Variants in MAGI2 observed in about 807,000 individuals in gnomAD.
MAGI2 encodes membrane-associated guanylate kinase, WW and PDZ domain-containing protein 2.
In MAGI2, 35 loss-of-function variants were observed where a neutral mutation model predicts 133.3. The ratio of observed to expected loss-of-function variants is 0.26; its 90% CI spans 0.20 to 0.35. MAGI2 has a LOEUF of 0.35. Among genes scored for constraint, MAGI2 ranks in the 10% least tolerant of loss-of-function variants. The pLI is 1.00. For synonymous variants in MAGI2, 729 were observed against 710.6 expected (o/e 1.03, Z -0.41); for missense variants, 1,636 against 1,863.4 (o/e 0.88, Z 2.25).
chr7:78,422,559 G>A (rs1346530914), intron 6 of MAGI2, among the ~76,000 whole-genome samples: 1 of 149,092 alleles, frequency 6.7e-6, no homozygotes, highest in Non-Finnish European at 1.5e-5. Flanking sequence ...ATTTCTAGAA[G>A]GTGAATGTAA....
intron 2 of MAGI2, among the ~76,000 whole-genome samples, chr7:78,913,466 T>G (rs1367835481): frequency 6.6e-6 from 1 of 152,150 alleles, no homozygotes; most frequent in Non-Finnish European, 1.5e-5. Flanking sequence ...CAGAAACCAC[T>G]ATGCTTCCCA....
At chr7:79,271,057 G>C (rs541546757) in intron 1 of MAGI2, among the ~76,000 whole-genome samples, 2 of 151,684 alleles carry the variant, frequency 1.3e-5, no homozygotes, top group South Asian at 2.1e-4. Flanking sequence ...GGCTCTCTTT[G>C]ATTCCAGTCT....
At chr7:78,353,176 T>C (rs1400890579) in intron 7 of MAGI2, among the ~76,000 whole-genome samples, 3 of 152,258 alleles carry the variant, frequency 2.0e-5, no homozygotes, top group Non-Finnish European at 4.4e-5. Flanking sequence ...GTTCATAGAA[T>C]AGGCTTTAGC....
chr7:78,227,854 G>GTGTGTGTGTA (rs1789557754), intron 10 of MAGI2, among the ~76,000 whole-genome samples: 1 of 108,618 alleles, frequency 9.2e-6, no homozygotes, highest in Non-Finnish European at 1.8e-5. Flanking sequence ...ACTCAGTTGT[G>GTGTGTGTGTA]TGTGTGTGTG....
At chr7:79,270,349 G>A (rs1030707908) in intron 1 of MAGI2, among the ~76,000 whole-genome samples, 15 of 150,610 alleles carry the variant, frequency 1.0e-4, no homozygotes, top group African/African-American at 3.4e-4. Flanking sequence ...TTTTGTCTGC[G>A]TAGTGGGCGG....
chr7:79,013,548 C>T (rs1002918697), intron 1 of MAGI2, among the ~76,000 whole-genome samples: 1 of 152,146 alleles, frequency 6.6e-6, no homozygotes, highest in Admixed American at 6.6e-5. Context: ...ATAGTTTCTG[C>T]TTGGCTCACC....
chr7:78,961,072 C>G (rs750329706), intron 2 of MAGI2, among the ~76,000 whole-genome samples: 9 of 152,182 alleles, frequency 5.9e-5, no homozygotes, highest in Non-Finnish European at 1.2e-4. Flanking sequence ...CAGGCCTTAG[C>G]TCTTGGAATT....
At chr7:78,871,040 G>T (rs753210438) in intron 2 of MAGI2, among the ~76,000 whole-genome samples, 1 of 152,238 alleles carries the variant, frequency 6.6e-6, no homozygotes, top group Non-Finnish European at 1.5e-5. Context: ...GCCGGGAGCA[G>T]TGGCTCATGC....
At chr7:79,229,750 A>G (rs2129554119) in intron 1 of MAGI2, among the ~76,000 whole-genome samples, 1 of 152,206 alleles carries the variant, frequency 6.6e-6, no homozygotes, top group African/African-American at 2.4e-5. Context: ...TCATTTAGCA[A>G]AATTTATTTG....
intron 3 of MAGI2, among the ~76,000 whole-genome samples, chr7:78,530,273 G>A (rs923053587): frequency 6.6e-6 from 1 of 152,186 alleles, no homozygotes; most frequent in Non-Finnish European, 1.5e-5. Flanking sequence ...TTGGTCCATT[G>A]AGCACCTGTA....
chr7:79,406,518 C>T (rs1845817747), intron 1 of MAGI2, among the ~76,000 whole-genome samples: 1 of 152,006 alleles, frequency 6.6e-6, no homozygotes, highest in Admixed American at 6.6e-5. Context: ...TTGTCAGACA[C>T]ATTTAGAAAA....
chr7:78,426,672 C>T (rs914512917), intron 6 of MAGI2, among the ~76,000 whole-genome samples: 6 of 151,536 alleles, frequency 4.0e-5, no homozygotes, highest in African/African-American at 1.5e-4. Flanking sequence ...GAGAAAATAT[C>T]AAGCAGTCTA....
intron 3 of MAGI2, among the ~76,000 whole-genome samples, chr7:78,541,555 G>A (rs1798415959): frequency 6.6e-6 from 1 of 152,146 alleles, no homozygotes; most frequent in African/African-American, 2.4e-5. Flanking sequence ...TGATGACAAG[G>A]AGATTTGGGA....
intron 1 of MAGI2, chr7:79,343,521 A>AT (rs1841065905): frequency 6.9e-6 from 1 of 144,296 alleles, no homozygotes; most frequent in South Asian, 2.3e-4. Flanking sequence ...TTTATTATTG[A>AT]TTTTCACCAG....
At chr7:78,731,203 G>C (rs1037827985) in intron 2 of MAGI2, among the ~76,000 whole-genome samples, 3 of 152,068 alleles carry the variant, frequency 2.0e-5, no homozygotes, top group Non-Finnish European at 4.4e-5. Flanking sequence ...TGTATTTATA[G>C]AGAATGAATA....
At chr7:79,068,042 T>C (rs1814550401) in intron 1 of MAGI2, among the ~76,000 whole-genome samples, 1 of 152,232 alleles carries the variant, frequency 6.6e-6, no homozygotes, top group African/African-American at 2.4e-5. Flanking sequence ...TCGATGTTCA[T>C]CAGGGATATT....
At chr7:78,113,180 C>T (rs570891453) in intron 20 of MAGI2, among the ~76,000 whole-genome samples, 7 of 141,506 alleles carry the variant, frequency 4.9e-5, no homozygotes, top group Admixed American at 2.8e-4. Context: ...GGATAGAACA[C>T]GCAGGGCCTG....
chr7:79,322,683 G>A (rs1434735893), intron 1 of MAGI2, among the ~76,000 whole-genome samples: 1 of 151,698 alleles, frequency 6.6e-6, no homozygotes, highest in East Asian at 1.9e-4. Context: ...CTACTCAGCA[G>A]ACTGAGGCAT....
At chr7:79,323,676 G>A (rs1317735091) in intron 1 of MAGI2, among the ~76,000 whole-genome samples, 1 of 152,172 alleles carries the variant, frequency 6.6e-6, no homozygotes, top group Admixed American at 6.5e-5. Flanking sequence ...TTGCATTTTA[G>A]AAAACTCACG....
Sources: allele counts gnomAD v4.1 joint callset (sites outside exome capture counted in the v4.1 genomes callset), GRCh38; gene constraint gnomAD v4.1.1; transcripts MANE v1.5; gene names NCBI Gene and HGNC (gene_info 2026-07-23, HGNC 2026-07-21).